The following KCNMB2 variants were observed in gnomAD, a reference collection of about 807,000 sequenced individuals.
KCNMB2 encodes the protein potassium calcium-activated channel subfamily M regulatory beta subunit 2.
Under a neutral mutation model 24.5 loss-of-function variants are expected in KCNMB2, and 9 were observed. That is an observed-to-expected ratio of 0.37 (90% CI 0.22 to 0.64). KCNMB2 has a LOEUF of 0.64. KCNMB2 is among the 30% of genes least tolerant of loss of function. KCNMB2 has a pLI of 0.63. For synonymous variants in KCNMB2, 109 were observed against 104.4 expected (o/e 1.04, Z -0.27); for missense variants, 226 against 284.3 (o/e 0.79, Z 1.47).
At chr3:178,589,772 G>T (rs1408693883) in intron 1 of KCNMB2, among the ~76,000 whole-genome samples, 3 of 152,188 alleles carry the variant, frequency 2.0e-5, no homozygotes, top group Admixed American at 1.3e-4. Flanking sequence ...AAGAGATTGT[G>T]TGAGGCCATT....
At chr3:178,699,999 G>A (rs1253744059) in intron 1 of KCNMB2, among the ~76,000 whole-genome samples, 1 of 152,204 alleles carries the variant, frequency 6.6e-6, no homozygotes, top group Non-Finnish European at 1.5e-5. Context: ...AGTGTGCAAT[G>A]GCCCATGCAA....
At chr3:178,773,320 T>C (rs1219755589) in intron 1 of KCNMB2, among the ~76,000 whole-genome samples, 4 of 152,200 alleles carry the variant, frequency 2.6e-5, no homozygotes. Context: ...TTTCTTACTA[T>C]TCAACATGGC....
chr3:178,584,878 A>G (rs956160951), intron 1 of KCNMB2, among the ~76,000 whole-genome samples: 26 of 152,124 alleles, frequency 1.7e-4, no homozygotes, highest in Admixed American at 1.5e-3. Context: ...CTGCCAAAAG[A>G]TTGCAATAAC....
intron 1 of KCNMB2, among the ~76,000 whole-genome samples, chr3:178,703,967 T>A (rs1722193519): frequency 6.6e-6 from 1 of 152,202 alleles, no homozygotes; most frequent in Non-Finnish European, 1.5e-5. Flanking sequence ...GTCAGGTCTG[T>A]GGTGAATCTC....
chr3:178,622,534 C>T (rs1194084168), intron 1 of KCNMB2, among the ~76,000 whole-genome samples: 1 of 152,196 alleles, frequency 6.6e-6, no homozygotes, highest in Non-Finnish European at 1.5e-5. Context: ...AAGATCCTGA[C>T]TCTCAAACTA....
At chr3:178,699,583 T>C (rs562522871) in intron 1 of KCNMB2, among the ~76,000 whole-genome samples, 1 of 152,290 alleles carries the variant, frequency 6.6e-6, no homozygotes, top group East Asian at 1.9e-4. Flanking sequence ...AACTGCTCTG[T>C]AAGCTGGCAT....
chr3:178,568,754 TAGATGATAGATAGATAGATGATAGATA>T (rs1282428794), intron 1 of KCNMB2, among the ~76,000 whole-genome samples: 24 of 140,294 alleles, frequency 1.7e-4, no homozygotes, highest in African/African-American at 6.4e-4. Context: ...GATAGATAGA[TAGATGATAGATAGATAGATGATAGATA>T]GATAGATAGA....
At chr3:178,762,849 GAA>G (rs58820080) in intron 1 of KCNMB2, among the ~76,000 whole-genome samples, 55 of 129,190 alleles carry the variant, frequency 4.3e-4, no homozygotes, top group South Asian at 2.0e-3. Flanking sequence ...TTACTGAGTT[GAA>G]AAAAAAAAAA....
chr3:178,544,721 G>C (rs1461781476), intron 1 of KCNMB2, among the ~76,000 whole-genome samples: 2 of 151,994 alleles, frequency 1.3e-5, no homozygotes, highest in African/African-American at 4.8e-5. Flanking sequence ...AAAAGATTCT[G>C]GACATCAGAG....
intron 1 of KCNMB2, among the ~76,000 whole-genome samples, chr3:178,732,081 A>G (rs1723170296): frequency 6.6e-6 from 1 of 152,230 alleles, no homozygotes; most frequent in South Asian, 2.1e-4. Flanking sequence ...GAGAAAAAAG[A>G]CAGAGAGAGG....
At chr3:178,701,782 G>T (rs1722106310) in intron 1 of KCNMB2, among the ~76,000 whole-genome samples, 1 of 152,174 alleles carries the variant, frequency 6.6e-6, no homozygotes, top group African/African-American at 2.4e-5. Flanking sequence ...GTGCTGGAGA[G>T]GATGTGGAGA....
chr3:178,598,661 C>G (rs533673870), intron 1 of KCNMB2, among the ~76,000 whole-genome samples: 2 of 151,698 alleles, frequency 1.3e-5, no homozygotes, highest in Non-Finnish European at 2.9e-5. Context: ...GGGGTTATAA[C>G]AAAAAAGGCC....
At chr3:178,705,156 A>G (rs1722236523) in intron 1 of KCNMB2, among the ~76,000 whole-genome samples, 1 of 152,086 alleles carries the variant, frequency 6.6e-6, no homozygotes, top group African/African-American at 2.4e-5. Context: ...ATATCCTGGG[A>G]ACCTGCCCAC....
intron 1 of KCNMB2, among the ~76,000 whole-genome samples, chr3:178,614,307 ATATGTATGTG>A (rs1560131765): frequency 5.7e-5 from 7 of 122,700 alleles, no homozygotes; most frequent in Admixed American, 8.6e-5. Context: ...GTATGTATAT[ATATGTATGTG>A]TATATATATA....
intron 1 of KCNMB2, among the ~76,000 whole-genome samples, chr3:178,725,397 C>T (rs1456605774): frequency 6.6e-6 from 1 of 151,698 alleles, no homozygotes; most frequent in African/African-American, 2.4e-5. Flanking sequence ...CTCCCCCCAC[C>T]AAAAAACGAA....
intron 1 of KCNMB2, among the ~76,000 whole-genome samples, chr3:178,771,587 C>A (rs1577174840): frequency 6.7e-6 from 1 of 148,400 alleles, no homozygotes; most frequent in East Asian, 2.0e-4. Flanking sequence ...GCTCCAGCAA[C>A]CCTCCCAATC....
At chr3:178,755,186 C>T (rs1369868929) in intron 1 of KCNMB2, among the ~76,000 whole-genome samples, 1 of 152,166 alleles carries the variant, frequency 6.6e-6, no homozygotes. Flanking sequence ...AGGAGACATG[C>T]CTGTGCATAG....
chr3:178,628,982 T>C (rs1047997299), intron 1 of KCNMB2, among the ~76,000 whole-genome samples: 5 of 152,198 alleles, frequency 3.3e-5, no homozygotes, highest in African/African-American at 7.2e-5. Flanking sequence ...CTCAACAATA[T>C]AAAAATACTC....
intron 4 of KCNMB2, among the ~76,000 whole-genome samples, chr3:178,828,912 C>A (rs955750737): frequency 6.7e-6 from 1 of 149,294 alleles, no homozygotes; most frequent in African/African-American, 2.5e-5. Context: ...ATGCTACTTT[C>A]AACCCATGGT....
Sources: gnomAD v4.1 joint callset for allele counts (sites outside exome capture counted in the v4.1 genomes callset) on GRCh38, gnomAD v4.1.1 for gene constraint, MANE v1.5 for transcripts, NCBI Gene and HGNC (gene_info 2026-07-23, HGNC 2026-07-21) for gene names.